The following BRI3 variants were observed in gnomAD, a reference collection of about 807,000 sequenced individuals.
BRI3 encodes the protein brain protein I3, also known as membrane protein BRI3.
In BRI3, 6 loss-of-function variants were observed where a neutral mutation model predicts 12.8. The observed-to-expected ratio is 0.47, with a 90% confidence interval of 0.26 to 0.93. The LOEUF is 0.93. Among genes scored for constraint, BRI3 ranks in the 40% least tolerant of loss-of-function variants. The pLI is 0.15. For missense variants in BRI3, 134 were observed against 171.1 expected, an observed-to-expected ratio of 0.78 and a Z score of 1.21; for synonymous variants, 91 against 76.1, an observed-to-expected ratio of 1.20 and a Z score of -1.02.
At chr7:98,315,615 A>G in the BRI3 span, 3 of 646,984 alleles carry the variant, frequency 4.6e-6, no homozygotes, top group Admixed American at 1.5e-4. Context: ...TCCACATACT[A>G]AAAAAAAAAA....
chr7:98,313,191 G>C (rs1232008586), downstream of BRI3, among the ~76,000 whole-genome samples: 1 of 148,534 alleles, frequency 6.7e-6, no homozygotes, highest in Non-Finnish European at 1.5e-5. Flanking sequence ...CCGTGGACCA[G>C]CTGCTTGGGC....
chr7:98,296,574 A>C (rs563614416), downstream of BRI3, among the ~76,000 whole-genome samples: 1 of 152,350 alleles, frequency 6.6e-6, no homozygotes, highest in African/African-American at 2.4e-5. Context: ...TGGTGAGCTG[A>C]GATTGCACCA....
At chr7:98,322,584 G>A in the BRI3 span, among the ~76,000 whole-genome samples, 9 of 152,146 alleles carry the variant, frequency 5.9e-5, no homozygotes, top group African/African-American at 1.9e-4. Flanking sequence ...GAGAAGGCAT[G>A]GGGCATGGCG....
chr7:98,283,727 A>T (rs942214925), intron 2 of BRI3, among the ~76,000 whole-genome samples: 6 of 151,986 alleles, frequency 3.9e-5, no homozygotes, highest in African/African-American at 1.5e-4. Context: ...CTGCCGGAGG[A>T]GCCGGGTTCC....
chr7:98,319,593 C>G, the BRI3 span, among the ~76,000 whole-genome samples: 4 of 148,130 alleles, frequency 2.7e-5, no homozygotes, highest in Admixed American at 2.8e-4. Context: ...GTCGCCCAGG[C>G]TGGAGTGCAG....
At chr7:98,317,656 C>A in the BRI3 span, among the ~76,000 whole-genome samples, 8 of 151,402 alleles carry the variant, frequency 5.3e-5, no homozygotes, top group Admixed American at 3.9e-4. Context: ...CATCCACACA[C>A]TGGCTGGGAC....
In BRI3 at chr7:98,307,112, A is replaced by T. The variant is rs543607264; in HGVS notation, n.145-403A>T. The T allele has an allele frequency of 1.9e-5, 3 of 158,422 alleles. No homozygotes were observed. In the South Asian group the frequency reaches 5.5e-4, roughly 29 times the overall value. 9.8% of individuals were successfully genotyped at this position (158,422 alleles called of 1,614,324 possible). A position where few individuals can be genotyped will look rare whatever the true frequency, so the allele number is the denominator to read the frequency against. The stretch of plus-strand genomic sequence containing the variant: ...GATTATCTTCAATAAATCAAATGCT[A>T]ATTTTATTTATTTTTTTGAGACAGA... On this transcript the variant is annotated intron_variant and non_coding_transcript_variant, in intron 1 of 1. Coordinates refer to the BRI3 transcript ENST00000485422.
At chr7:98,308,525 C>G (rs980349805) in exon 2 of BRI3, 57 of 347,266 alleles carry the variant, frequency 1.6e-4, no homozygotes, top group Non-Finnish European at 2.9e-4. Context: ...ACAGACCCCA[C>G]AGCTGGCAAG....
intron 2 of BRI3, among the ~76,000 whole-genome samples, chr7:98,286,846 A>G (rs1486144791): frequency 1.3e-5 from 2 of 152,262 alleles, no homozygotes; most frequent in African/African-American, 4.8e-5. Context: ...ATAGCCACAC[A>G]CCAGTTCAGG....
At chr7:98,294,277 G>C (rs1800093406), downstream of BRI3, among the ~76,000 whole-genome samples, 7 of 152,238 alleles carry the variant, frequency 4.6e-5, no homozygotes, top group South Asian at 1.4e-3. Context: ...ACAGGTGTGA[G>C]CCGCTGCGAC....
intron 2 of BRI3, among the ~76,000 whole-genome samples, chr7:98,288,055 G>A (rs1799771085): frequency 2.6e-5 from 4 of 152,286 alleles, no homozygotes; most frequent in Non-Finnish European, 5.9e-5. Context: ...TGGGGGGTGC[G>A]GGCCTCTCCC....
intron 2 of BRI3, among the ~76,000 whole-genome samples, chr7:98,284,947 G>T (rs774016888): frequency 6.6e-6 from 1 of 152,194 alleles, no homozygotes; most frequent in Non-Finnish European, 1.5e-5. Flanking sequence ...ATTCTTTGCT[G>T]GGGGTGTGGT....
At chr7:98,291,815 ATTC>A (rs1465503157), downstream of BRI3, 1 of 153,248 alleles carries the variant, frequency 6.5e-6, no homozygotes, top group Non-Finnish European at 1.5e-5. Context: ...CCCAGGTCCT[ATTC>A]TTCCACCCCG....
intron 2 of BRI3, 131 bp from the exon 3 acceptor site, chr7:98,290,980 C>G (rs1799921104): frequency 2.8e-6 from 3 of 1,070,862 alleles, no homozygotes; most frequent in Admixed American, 2.1e-5. Context: ...GGGCTGTTTT[C>G]TGTCACTCGC....
downstream of BRI3, among the ~76,000 whole-genome samples, chr7:98,313,529 A>G (rs1800956754): frequency 6.6e-6 from 1 of 152,110 alleles, no homozygotes; most frequent in Non-Finnish European, 1.5e-5. Context: ...GAAGATTCTA[A>G]AGTGAACTCT....
chr7:98,308,217 T>C (rs1562967786), exon 2 of BRI3: 1 of 528,212 alleles, frequency 1.9e-6, no homozygotes, highest in Admixed American at 2.2e-5. Context: ...TGGCTCTTCT[T>C]AGAGAGACAA....
the BRI3 span, chr7:98,317,413 G>A: frequency 2.5e-6 from 4 of 1,598,974 alleles, no homozygotes; most frequent in South Asian, 4.4e-5. Flanking sequence ...TTGTCACACA[G>A]TTTGCCTTTA....
downstream of BRI3, chr7:98,293,416 C>T (rs1036937375): frequency 9.7e-7 from 1 of 1,036,020 alleles, no homozygotes; most frequent in Non-Finnish European, 1.5e-6. Flanking sequence ...TAGAGTTAGG[C>T]CTCTCCACTG....
chr7:98,299,618 A>C (rs1800337200), intron 1 of BRI3, among the ~76,000 whole-genome samples: 1 of 152,212 alleles, frequency 6.6e-6, no homozygotes, highest in South Asian at 2.1e-4. Flanking sequence ...TGGCCTTCCA[A>C]GTAGCAGGGA....
Sources: gnomAD v4.1 joint callset for allele counts (sites outside exome capture counted in the v4.1 genomes callset) on GRCh38, gnomAD v4.1.1 for gene constraint, MANE v1.5 for transcripts, NCBI Gene and HGNC (gene_info 2026-07-23, HGNC 2026-07-21) for gene names.